NAB1: variants seen among roughly 807,000 people sequenced by gnomAD.
NAB1 encodes NGFI-A-binding protein 1.
A neutral mutation model predicts 49.9 loss-of-function variants in NAB1; 25 were observed. That is an observed-to-expected ratio of 0.50 (90% CI 0.37 to 0.70). The LOEUF (loss-of-function observed/expected upper bound fraction) is 0.70. NAB1 is among the 30% of genes least tolerant of loss of function. The pLI, the probability that NAB1 is intolerant of heterozygous loss-of-function variation, is 0.00. For missense variants in NAB1, 489 were observed against 575.9 expected (o/e 0.85, Z 1.54); for synonymous variants, 198 against 215.6 (o/e 0.92, Z 0.71).
intron 9 of NAB1, among the ~76,000 whole-genome samples, chr2:190,687,795 G>A (rs1431274505): frequency 6.6e-6 from 1 of 152,162 alleles, no homozygotes. Context: ...TTATATGAAT[G>A]GTGATGTTTA....
At chr2:190,683,913 T>A in intron 7 of NAB1, 86 bp downstream of exon 7, 1 of 1,041,996 alleles carries the variant, frequency 9.6e-7, no homozygotes, top group Non-Finnish European at 1.4e-6. Context: ...CAGTTTTAAG[T>A]ATCTGAGGCC....
rs1559218827 is a variant in NAB1 at position 190,649,541 on chromosome 2, G to C, written c.-334+181G>C. 1 of 152,152 alleles carries C rather than the reference G, an allele frequency of 6.6e-6. No homozygotes were observed. The highest frequency in any genetic ancestry group is 6.5e-5 in the Admixed American group (1 of 15,280). The allele number at this position is 152,152 out of a possible 1,614,324, so 9.4% of individuals were successfully genotyped here. On this transcript the variant is annotated intron_variant, in intron 1 of 9. Transcript: ENST00000337386. This position sits in a 1 kb window ranked among gnomAD's most constrained non-coding sequence, Gnocchi z 6.1. ...CCGCCGGAAGGAGAGGGCGGCCCCG[G>C]GCTCGTGTGGGCGATTCCCGGAGAC...
chr2:190,672,714 G>C (rs1444203009), intron 5 of NAB1, among the ~76,000 whole-genome samples: 2 of 151,544 alleles, frequency 1.3e-5, no homozygotes, highest in African/African-American at 4.9e-5. Context: ...AGTGGCTCAC[G>C]CCTGTAATCC....
intron 7 of NAB1, 68 bp downstream of exon 7, chr2:190,683,895 A>C (rs1445763045): frequency 8.1e-7 from 1 of 1,242,188 alleles, no homozygotes; most frequent in East Asian, 2.4e-5. Context: ...GACTACTTCA[A>C]CTAGCTTCAG....
At chr2:190,658,296 G>T (rs528818243) in intron 3 of NAB1, among the ~76,000 whole-genome samples, 24 of 152,158 alleles carry the variant, frequency 1.6e-4, no homozygotes, top group Admixed American at 1.5e-3. Context: ...TTCTACATAA[G>T]CCTTCTACCC....
intron 4 of NAB1, among the ~76,000 whole-genome samples, chr2:190,665,307 A>C (rs1370041562): frequency 6.7e-6 from 1 of 148,690 alleles, no homozygotes; most frequent in Non-Finnish European, 1.5e-5. Context: ...TGGGCGACAG[A>C]GCAAGACTCC....
rs1429140020 is a variant in NAB1, at chr2:190,652,579, T to C, written c.-197+2597T>C. ...TAAAATTTTTTTCCAGCTTCATTCA[T>C]TCCATTCAGAATTTAGAAACGAATC... is the stretch of plus-strand genomic sequence containing the variant. On this transcript the variant is annotated intron_variant, in intron 2 of 9. Transcript: ENST00000337386. The surrounding 1 kb of genome is among the most constrained non-coding windows in gnomAD (Gnocchi z 4.2). Among the ~76,000 whole-genome samples, 1 of 152,236 alleles carries C rather than the reference T, an allele frequency of 6.6e-6. No homozygotes were observed. Among genetic ancestry groups the C allele is most frequent in the Non-Finnish European group, 1.5e-5 (1 of 68,030 alleles).
rs1403189808 is a variant in NAB1 at position 190,677,083 on chromosome 2, C to A, written c.1005+3931C>A. 1 of 152,142 alleles carries A rather than the reference C, an allele frequency of 6.6e-6. No homozygotes were observed. The highest frequency in any genetic ancestry group is 1.5e-5 in the Non-Finnish European group (1 of 68,022). 9.4% of individuals were successfully genotyped at this position (152,142 alleles called of 1,614,324 possible). Reference sequence around the variant, plus strand: ...AAATACTGTGTTTTCCTGATCTATACATGAAGGCTTGGGTGGAATGAAGTT... The same window carrying A: ...AAATACTGTGTTTTCCTGATCTATAAATGAAGGCTTGGGTGGAATGAAGTT... On this transcript the variant is annotated intron_variant, in intron 6 of 9. Transcript: ENST00000337386. This position sits in a 1 kb window ranked among gnomAD's most constrained non-coding sequence, Gnocchi z 5.6.
intron 9 of NAB1, among the ~76,000 whole-genome samples, chr2:190,688,374 A>C (rs1042961087): frequency 2.0e-5 from 3 of 152,240 alleles, no homozygotes; most frequent in African/African-American, 7.2e-5. Flanking sequence ...AGCAGATGCT[A>C]AAAAGACGAG....
chr2:190,652,138 G>T lies in NAB1; in HGVS notation c.-197+2156G>T, dbSNP rs1389085763. ...GGGAAATTTGACAAGTTGATGCTTG[G>T]AAAAAATAGTAATCCTCATCTTGTG... On this transcript the variant is annotated intron_variant, in intron 2 of 9. Transcript: ENST00000337386. This position sits in a 1 kb window ranked among gnomAD's most constrained non-coding sequence, Gnocchi z 4.2. 6.6e-6 allele frequency among the ~76,000 whole-genome samples: 1 copy of T among 152,114 alleles called. No individual in the cohort carries two copies. Among genetic ancestry groups the T allele is most frequent in the Admixed American group, 6.5e-5 (1 of 15,284 alleles).
chr2:190,655,756 G>A (rs1027260728), intron 2 of NAB1, among the ~76,000 whole-genome samples: 16 of 152,158 alleles, frequency 1.1e-4, no homozygotes, highest in South Asian at 2.1e-4. Context: ...GGAGTTGACC[G>A]GTAGTTTTGT....
rs186690149 is a variant in NAB1, at chr2:190,680,956, C to G, written c.1006-2782C>G. Among the ~76,000 whole-genome samples the G allele has an allele frequency of 3.4e-3, 513 of 152,230 alleles. 10 individuals are homozygous for G. The highest frequency in any genetic ancestry group is 0.012 in the African/African-American group (497 of 41,538). On this transcript the variant is annotated intron_variant, in intron 6 of 9. Transcript: ENST00000337386. The surrounding 1 kb of genome is among the most constrained non-coding windows in gnomAD (Gnocchi z 5.2). ...TCTGCAAGTTAAGTACTATTGTTAT[C>G]CCCATTTTATAGATGAGAAAATAGA...
intron 6 of NAB1, among the ~76,000 whole-genome samples, chr2:190,683,297 ATTTTT>A (rs767640681): frequency 2.6e-5 from 2 of 76,136 alleles, no homozygotes; most frequent in East Asian, 4.4e-4. Context: ...CTCCCAGCTA[ATTTTT>A]TTTTTTTTTT....
At position 190,685,729 on chromosome 2, in the gene NAB1, T is replaced by C; in HGVS notation, c.1258+91T>C. ...AGTGGCTGATTTTTAAATTATGATA[T>C]TTTGTAGAGATTATTTTACAGGTTC... On this transcript the variant is annotated intron_variant, in intron 8 of 9. Transcript: ENST00000337386. The surrounding 1 kb of genome is among the most constrained non-coding windows in gnomAD (Gnocchi z 4.5). 2 of 1,046,242 alleles carry C rather than the reference T, an allele frequency of 1.9e-6. No homozygotes were observed. The highest frequency in any genetic ancestry group is 2.5e-6 in the Non-Finnish European group (2 of 785,300). The allele number at this position is 1,046,242 out of a possible 1,614,324, so 64.8% of individuals were successfully genotyped here. A position where few individuals can be genotyped will look rare whatever the true frequency, so the allele number is the denominator to read the frequency against.
chr2:190,656,586 T>C (rs1250675077), intron 3 of NAB1, among the ~76,000 whole-genome samples: 2 of 152,214 alleles, frequency 1.3e-5, no homozygotes, highest in African/African-American at 2.4e-5. Flanking sequence ...TATGGAGATA[T>C]TATATTCATA....
chr2:190,650,091 T>G (rs878988734), intron 2 of NAB1, 109 bp downstream of exon 2: 2 of 152,210 alleles, frequency 1.3e-5, no homozygotes. Context: ...ACACTTCTGT[T>G]AAGCCTGAAT....
Position 190,663,695 on chromosome 2 carries a change from T to C in NAB1, c.819+3700T>C, listed in dbSNP as rs185316642. Among the ~76,000 whole-genome samples the C allele has an allele frequency of 2.7e-3, 405 of 152,354 alleles. 1 individual carries two copies. The highest frequency in any genetic ancestry group is 4.4e-3 in the Non-Finnish European group (300 of 68,034). ...TCTCTTAGTTATTTTATTGTTCTTA[T>C]CTAACTTAATTTGGGTGCTTAGTTC... On this transcript the variant is annotated intron_variant, in intron 4 of 9. Coordinates refer to ENST00000337386, the MANE Select transcript of NAB1 (RefSeq NM_005966.4). The surrounding 1 kb of genome is among the most constrained non-coding windows in gnomAD (Gnocchi z 4.2).
Position 190,679,661 on chromosome 2 carries a change from C to G in NAB1, c.1006-4077C>G, listed in dbSNP as rs1295460297. Among the ~76,000 whole-genome samples, 2 of 152,178 alleles carry G rather than the reference C, an allele frequency of 1.3e-5. No individual in the cohort carries two copies. The highest frequency in any genetic ancestry group is 1.3e-4 in the Admixed American group (2 of 15,280). On this transcript the variant is annotated intron_variant, in intron 6 of 9. Coordinates refer to ENST00000337386, the MANE Select transcript of NAB1 (RefSeq NM_005966.4). The surrounding 1 kb of genome is among the most constrained non-coding windows in gnomAD (Gnocchi z 5.3). ...GGGCAGATACACAGGTGGTGTAATC[C>G]TAATTTAAAAATTTGGATCACTGGA...
rs1385420805 is a variant in NAB1 at position 190,669,495 on chromosome 2, A to G, written c.820-831A>G. Among the ~76,000 whole-genome samples, 1 of 152,210 alleles carries G rather than the reference A, an allele frequency of 6.6e-6. No individual in the cohort carries two copies. Among genetic ancestry groups the G allele is most frequent in the East Asian group, 1.9e-4 (1 of 5,202 alleles). On this transcript the variant is annotated intron_variant, in intron 4 of 9. Coordinates refer to ENST00000337386, the MANE Select transcript of NAB1 (RefSeq NM_005966.4). This position sits in a 1 kb window ranked among gnomAD's most constrained non-coding sequence, Gnocchi z 4.3. ...AGTCACAGCTGGTAAATGATGAAGC[A>G]GGACTCTCCTCAGGTCTGTCTGCCA...
Sources: gnomAD v4.1 joint callset for allele counts (sites outside exome capture counted in the v4.1 genomes callset) on GRCh38, gnomAD v4.1.1 for gene constraint, Gnocchi (gnomAD v3.1) non-coding constraint, MANE v1.5 for transcripts, NCBI Gene and HGNC (gene_info 2026-07-23, HGNC 2026-07-21) for gene names.